EML6: variants seen among roughly 807,000 people sequenced by gnomAD.
EML6 encodes the protein echinoderm microtubule-associated protein-like 6.
Under a neutral mutation model 240.1 loss-of-function variants are expected in EML6, and 154 were observed. That is an observed-to-expected ratio of 0.64 (90% CI 0.56 to 0.73). The LOEUF (loss-of-function observed/expected upper bound fraction) is 0.73. EML6 is among the 30% of genes least tolerant of loss of function. The pLI is 0.00. For missense variants in EML6, 2,964 were observed against 2,474.6 expected (o/e 1.20, Z -4.20); for synonymous variants, 1,148 against 899.0 (o/e 1.28, Z -4.95).
intron 2 of EML6, among the ~76,000 whole-genome samples, chr2:54,805,289 C>T (rs1329211750): frequency 6.6e-6 from 1 of 152,164 alleles, no homozygotes; most frequent in African/African-American, 2.4e-5. Flanking sequence ...TTTGTTTAGA[C>T]ATTTCCTTTT....
At chr2:54,812,839 C>A (rs568101907) in intron 2 of EML6, among the ~76,000 whole-genome samples, 1 of 151,974 alleles carries the variant, frequency 6.6e-6, no homozygotes, top group Non-Finnish European at 1.5e-5. Context: ...AGAGAACCTT[C>A]CCCTAGTAAC....
chr2:54,858,754 G>A (rs1670522082), intron 11 of EML6, among the ~76,000 whole-genome samples: 1 of 152,118 alleles, frequency 6.6e-6, no homozygotes, highest in Non-Finnish European at 1.5e-5. Context: ...CCTCTCCAGT[G>A]GACATTTGAA....
At chr2:54,763,940 G>C (rs1668078786) in intron 2 of EML6, among the ~76,000 whole-genome samples, 1 of 152,184 alleles carries the variant, frequency 6.6e-6, no homozygotes, top group Non-Finnish European at 1.5e-5. Context: ...AACTCCGTTG[G>C]TTGTTCTGTG....
intron 28 of EML6, among the ~76,000 whole-genome samples, chr2:54,931,684 G>C (rs560086309): frequency 6.6e-6 from 1 of 152,238 alleles, no homozygotes; most frequent in South Asian, 2.1e-4. Flanking sequence ...CTAAACACTT[G>C]GTTCAAGACA....
chr2:54,816,149 G>C (rs1413741693), intron 3 of EML6, among the ~76,000 whole-genome samples: 1 of 152,166 alleles, frequency 6.6e-6, no homozygotes, highest in Non-Finnish European at 1.5e-5. Flanking sequence ...ATTTTGGTAT[G>C]ACTGTTGCCT....
In EML6 at chr2:54,730,697, G is replaced by A. The variant is rs1031686372; in HGVS notation, c.197+5439G>A. On this transcript the variant is annotated intron_variant, in intron 2 of 41. Coordinates refer to ENST00000356458, the MANE Select transcript of EML6 (RefSeq NM_001039753.4). ...AAAGCTTTTGACGGAAGCTTATAAT[G>A]ATCTTCATAAATGATTGCATTATTG... Among the ~76,000 whole-genome samples the A allele has an allele frequency of 7.9e-5, 12 of 152,300 alleles. No homozygotes were observed. In the East Asian group the frequency reaches 2.1e-3, roughly 27 times the overall value.
At chr2:54,959,331 C>T in intron 34 of EML6, 70 bp downstream of exon 34, 4 of 1,409,850 alleles carry the variant, frequency 2.8e-6, no homozygotes, top group Non-Finnish European at 2.8e-6. Context: ...CAAAAGTGTT[C>T]CCAACTTGGA....
chr2:54,729,689 G>A (rs570675446), intron 2 of EML6, among the ~76,000 whole-genome samples: 1 of 152,146 alleles, frequency 6.6e-6, no homozygotes, highest in East Asian at 1.9e-4. Context: ...CTTATATTGT[G>A]GTCCCTACAA....
In EML6 at chr2:54,814,533, T is replaced by C. The variant is rs1179046859; in HGVS notation, c.357+1142T>C. ...ACCGCCTCCGTTTCCTGTGCCACCCTTCCTCTGTCTCTCTCACCCTGCGTG... is the reference window on the plus strand; with the variant it reads ...ACCGCCTCCGTTTCCTGTGCCACCCCTCCTCTGTCTCTCTCACCCTGCGTG... On this transcript the variant is annotated intron_variant, in intron 3 of 41. Transcript: ENST00000356458. Among the ~76,000 whole-genome samples, 3 of 152,210 alleles carry C rather than the reference T, an allele frequency of 2.0e-5. No homozygotes were observed. In the East Asian group the frequency reaches 5.8e-4, roughly 29 times the overall value.
At chr2:54,891,297 CGCTTAGAACGCTTGAA>C in intron 18 of EML6, 143 bp downstream of exon 18, 1 of 501,274 alleles carries the variant, frequency 2.0e-6, no homozygotes, top group Non-Finnish European at 3.7e-6. Context: ...CTCCCAAGTT[CGCTTAGAACGCTTGAA>C]GCTTAGAACA....
At chr2:54,893,422 A>G (rs951543132) in intron 19 of EML6, among the ~76,000 whole-genome samples, 2 of 152,114 alleles carry the variant, frequency 1.3e-5, no homozygotes, top group African/African-American at 2.4e-5. Flanking sequence ...GTCCGAAATC[A>G]TCCTTTAGTA....
chr2:54,883,986 G>C (rs896026995), intron 17 of EML6, among the ~76,000 whole-genome samples: 2 of 152,140 alleles, frequency 1.3e-5, no homozygotes, highest in South Asian at 2.1e-4. Context: ...ACAACAATCT[G>C]CACAGAGACT....
chr2:54,891,413 C>G (rs1365473300), intron 18 of EML6, among the ~76,000 whole-genome samples: 2 of 152,170 alleles, frequency 1.3e-5, no homozygotes, highest in Non-Finnish European at 2.9e-5. Context: ...ATTTAGTCAT[C>G]TGTTCTGAAA....
chr2:54,760,268 C>G (rs982901213), intron 2 of EML6, among the ~76,000 whole-genome samples: 1 of 151,500 alleles, frequency 6.6e-6, no homozygotes, highest in East Asian at 1.9e-4. Flanking sequence ...CCTGGTCTCC[C>G]TCCATGCTCC....
At chr2:54,788,819 A>G (rs1669237285) in intron 2 of EML6, among the ~76,000 whole-genome samples, 1 of 152,190 alleles carries the variant, frequency 6.6e-6, no homozygotes, top group African/African-American at 2.4e-5. Flanking sequence ...TGAAGTTTTT[A>G]TTGACTTTAT....
At chr2:54,767,599 T>A (rs1018695234) in intron 2 of EML6, among the ~76,000 whole-genome samples, 1 of 77,708 alleles carries the variant, frequency 1.3e-5, no homozygotes, top group Non-Finnish European at 2.7e-5. Context: ...GTATGAAGAG[T>A]GTGTGTGTGT....
intron 28 of EML6, among the ~76,000 whole-genome samples, chr2:54,929,801 C>T (rs1053181400): frequency 6.6e-6 from 1 of 151,966 alleles, no homozygotes; most frequent in Non-Finnish European, 1.5e-5. Context: ...AAGATTGAAT[C>T]TAATGCAAAA....
rs1196334754 is a variant in EML6 at position 54,725,113 on chromosome 2, G to A, written c.52G>A (p.Gly18Arg). 1 of 1,538,568 alleles carries A rather than the reference G, an allele frequency of 6.5e-7. No individual in the cohort carries two copies. Among genetic ancestry groups the A allele is most frequent in the Non-Finnish European group, 8.8e-7 (1 of 1,141,384 alleles). ...RCQLRLEWVY[G>R]YRGHQCRNNL... is the part of the protein sequence containing the mutation. ...CCAGCTCCGGCTGGAGTGGGTGTACGGGTACCGGGGTCACCAGTGCCGCAA... is the reference window on the plus strand; with the variant it reads ...CCAGCTCCGGCTGGAGTGGGTGTACAGGTACCGGGGTCACCAGTGCCGCAA... The change falls in exon 2 of 42, where the codon GGG (glycine) becomes AGG (arginine). Residue 18 changes from glycine (G) to arginine (R), a missense_variant. Physicochemically the swap from Gly to Arg is moderately radical, Grantham distance 125 (BLOSUM62 -2). Transcript: ENST00000356458. The surrounding 1 kb of genome is among the most constrained non-coding windows in gnomAD (Gnocchi z 4.3).
chr2:54,834,082 T>G (rs73935669), intron 7 of EML6, among the ~76,000 whole-genome samples: 1 of 152,170 alleles, frequency 6.6e-6, no homozygotes, highest in African/African-American at 2.4e-5. Context: ...TCCTCCAATA[T>G]ACATCTTAGT....
Sources: allele counts gnomAD v4.1 joint callset (sites outside exome capture counted in the v4.1 genomes callset), GRCh38; gene constraint gnomAD v4.1.1; non-coding constraint Gnocchi (gnomAD v3.1); transcripts MANE v1.5; gene names NCBI Gene and HGNC (gene_info 2026-07-23, HGNC 2026-07-21).